ATP8B1: variants seen among roughly 807,000 people sequenced by gnomAD.
ATP8B1 encodes ATPase phospholipid transporting 8B1.
ATP8B1 carries 80 observed loss-of-function variants against 149.9 expected under a neutral mutation model. That is an observed-to-expected ratio of 0.53 (90% CI 0.45 to 0.64). The LOEUF (loss-of-function observed/expected upper bound fraction) is 0.64, where lower values mean the gene tolerates loss of function less well. ATP8B1 is among the 30% of genes least tolerant of loss of function. The pLI, the probability that ATP8B1 is intolerant of heterozygous loss-of-function variation, is 0.00. For synonymous variants in ATP8B1, 536 were observed against 562.8 expected (o/e 0.95, Z 0.67); for missense variants, 1,247 against 1,552.6 (o/e 0.80, Z 3.31).
intron 1 of ATP8B1, among the ~76,000 whole-genome samples, chr18:57,738,314 A>G (rs952633132): frequency 1.2e-4 from 19 of 152,340 alleles, no homozygotes; most frequent in African/African-American, 4.1e-4. Flanking sequence ...AAGAATACAG[A>G]TAAGTCAACT....
chr18:57,798,641 G>C (rs1053849753), intron 1 of ATP8B1, among the ~76,000 whole-genome samples: 3 of 152,072 alleles, frequency 2.0e-5, no homozygotes, highest in African/African-American at 7.2e-5. Flanking sequence ...CAGGAGCGTG[G>C]AGGATGAGGG....
intron 8 of ATP8B1, among the ~76,000 whole-genome samples, chr18:57,695,765 G>C (rs1912777392): frequency 6.6e-6 from 1 of 152,184 alleles, no homozygotes; most frequent in African/African-American, 2.4e-5. Flanking sequence ...TTGTTGTTGT[G>C]AAGGTTAGGA....
At chr18:57,708,417 C>T (rs751671476) in intron 2 of ATP8B1, 3 of 152,094 alleles carry the variant, frequency 2.0e-5, no homozygotes, top group Non-Finnish European at 2.9e-5. Context: ...ACTGTAATCA[C>T]ATAGGCAATC....
intron 1 of ATP8B1, among the ~76,000 whole-genome samples, chr18:57,767,346 GA>G (rs2080220333): frequency 6.6e-6 from 1 of 152,166 alleles, no homozygotes; most frequent in South Asian, 2.1e-4. Flanking sequence ...GCTCAGGTAA[GA>G]AAAACCCAAG....
chr18:57,731,470 A>C, intron 2 of ATP8B1, 157 bp downstream of exon 2: 1 of 863,760 alleles, frequency 1.2e-6, no homozygotes, highest in Non-Finnish European at 1.9e-6. Context: ...GTACTTGTCC[A>C]AGCCCATCCA....
chr18:57,698,850 A>G (rs1242927720), intron 6 of ATP8B1, among the ~76,000 whole-genome samples: 1 of 152,112 alleles, frequency 6.6e-6, no homozygotes, highest in Non-Finnish European at 1.5e-5. Flanking sequence ...CCCTCGCTAA[A>G]GTGAATTTTC....
chr18:57,690,529 G>T (rs1912480111), intron 12 of ATP8B1, among the ~76,000 whole-genome samples: 2 of 152,204 alleles, frequency 1.3e-5, no homozygotes, highest in African/African-American at 4.8e-5. Flanking sequence ...AATACACATT[G>T]ATGGTTTTAG....
chr18:57,733,154 A>G (rs2079806554), intron 1 of ATP8B1, among the ~76,000 whole-genome samples: 1 of 152,114 alleles, frequency 6.6e-6, no homozygotes, highest in African/African-American at 2.4e-5. Context: ...TATTTACACA[A>G]ATACCTCAGG....
At chr18:57,754,767 T>TA (rs1271732587) in intron 1 of ATP8B1, among the ~76,000 whole-genome samples, 1 of 152,110 alleles carries the variant, frequency 6.6e-6, no homozygotes, top group African/African-American at 2.4e-5. Context: ...GCAAGGGAAA[T>TA]ACCTAACTCG....
At chr18:57,751,779 C>G (rs1599192511) in intron 1 of ATP8B1, among the ~76,000 whole-genome samples, 1 of 152,338 alleles carries the variant, frequency 6.6e-6, no homozygotes, top group East Asian at 1.9e-4. Context: ...AGCTAGGCAG[C>G]TTCATTCCTT....
chr18:57,744,350 G>T (rs144404988), intron 1 of ATP8B1, among the ~76,000 whole-genome samples: 3,736 of 150,078 alleles, frequency 0.025, 142 homozygotes, highest in African/African-American at 0.086. Flanking sequence ...CCTGAACTAG[G>T]GTGGTGGCAG....
chr18:57,668,202 C>A, intron 19 of ATP8B1: 1 of 1,440,970 alleles, frequency 6.9e-7, no homozygotes, highest in Non-Finnish European at 9.2e-7. Flanking sequence ...CAAGACATGG[C>A]CAGGAGCTAA....
At chr18:57,700,910 CTA>C in intron 6 of ATP8B1, 127 bp downstream of exon 6, 2 of 1,041,690 alleles carry the variant, frequency 1.9e-6, no homozygotes, top group Non-Finnish European at 2.9e-6. Flanking sequence ...GAGCGAGACT[CTA>C]TCTCGAAAAA....
At chr18:57,720,002 G>A (rs1479006723) in intron 2 of ATP8B1, among the ~76,000 whole-genome samples, 1 of 151,900 alleles carries the variant, frequency 6.6e-6, no homozygotes, top group South Asian at 2.1e-4. Flanking sequence ...ACCTCACACG[G>A]CAGGGTATTC....
At chr18:57,747,764 G>A (rs111898956) in intron 1 of ATP8B1, among the ~76,000 whole-genome samples, 4 of 152,268 alleles carry the variant, frequency 2.6e-5, no homozygotes, top group African/African-American at 9.6e-5. Context: ...CATTCCATCT[G>A]AAGGTTAACA....
chr18:57,778,316 T>C (rs1221831669), intron 1 of ATP8B1, among the ~76,000 whole-genome samples: 2 of 150,746 alleles, frequency 1.3e-5, no homozygotes, highest in Non-Finnish European at 3.0e-5. Context: ...AGCTCCGCCT[T>C]CCAGGTTCAC....
In ATP8B1 at chr18:57,719,762, C is replaced by G. The variant is rs576316770; in HGVS notation, c.181+11865G>C. On this transcript the variant is annotated intron_variant, in intron 2 of 27. Coordinates refer to ENST00000648908, the MANE Select transcript of ATP8B1 (RefSeq NM_001374385.1). ...TCGAACTGGGTGGAGCCCACCACAG[C>G]TCAGAGGCCTGCCTGCCACTGTAGG... is the stretch of plus-strand genomic sequence containing the variant. 1.4e-4 allele frequency among the ~76,000 whole-genome samples: 22 copies of G among 152,364 alleles called. No homozygotes were observed. The South Asian group carries it at 4.6e-3, about 32-fold the overall frequency.
chr18:57,669,192 T>C, intron 18 of ATP8B1, 126 bp downstream of exon 18: 1 of 994,768 alleles, frequency 1.0e-6, no homozygotes, highest in Non-Finnish European at 1.5e-6. Flanking sequence ...TCTTCCATTG[T>C]GCCAGTGTCA....
chr18:57,765,977 GA>G (rs71171092), intron 1 of ATP8B1, among the ~76,000 whole-genome samples: 56,787 of 146,068 alleles, frequency 0.39, 10,779 homozygotes, highest in Non-Finnish European at 0.42. Flanking sequence ...GTCTCAAAAA[GA>G]AAAAAAAAAA....
Sources: gnomAD v4.1 joint callset for allele counts (sites outside exome capture counted in the v4.1 genomes callset) on GRCh38, gnomAD v4.1.1 for gene constraint, MANE v1.5 for transcripts, NCBI Gene and HGNC (gene_info 2026-07-23, HGNC 2026-07-21) for gene names.